The following TMEM117 variants were observed in gnomAD, a reference collection of about 807,000 sequenced individuals.
TMEM117 encodes transmembrane protein 117.
A neutral mutation model predicts 52.4 loss-of-function variants in TMEM117; 27 were observed. The ratio of observed to expected loss-of-function variants is 0.51; its 90% CI spans 0.38 to 0.71. TMEM117 has a LOEUF of 0.71. Among genes scored for constraint, TMEM117 ranks in the 30% least tolerant of loss-of-function variants. The pLI, the probability that TMEM117 is intolerant of heterozygous loss-of-function variation, is 0.00. For synonymous variants in TMEM117, 215 were observed against 206.3 expected (o/e 1.04, Z -0.36); for missense variants, 556 against 630.5 (o/e 0.88, Z 1.26).
At chr12:43,980,862 A>G (rs1295411133) in intron 3 of TMEM117, among the ~76,000 whole-genome samples, 1 of 152,194 alleles carries the variant, frequency 6.6e-6, no homozygotes, top group Non-Finnish European at 1.5e-5. Flanking sequence ...TACAGATTTA[A>G]TGACAAAGGC....
intron 2 of TMEM117, among the ~76,000 whole-genome samples, chr12:43,893,725 A>G (rs528016478): frequency 6.6e-6 from 1 of 152,228 alleles, no homozygotes; most frequent in Non-Finnish European, 1.5e-5. Flanking sequence ...CTGTTATCCC[A>G]TATATTTCAC....
rs375345774 is a variant in TMEM117 at position 43,885,473 on chromosome 12, T to TA, written c.277+40552dup. 6.5e-3 allele frequency among the ~76,000 whole-genome samples: 971 copies of TA among 150,054 alleles called. 8 individuals are homozygous for TA. Among genetic ancestry groups the TA allele is most frequent in the Non-Finnish European group, 0.011 (727 of 67,420 alleles). ...TATTTTCATGAGAAAGAACTTTTTT[T>TA]AAAAAAACAAATGTGAATTCATTGT... On this transcript the variant is annotated intron_variant, in intron 2 of 7. Coordinates refer to ENST00000266534, the MANE Select transcript of TMEM117 (RefSeq NM_032256.3).
intron 5 of TMEM117, among the ~76,000 whole-genome samples, chr12:44,215,246 T>C (rs1232914438): frequency 6.6e-6 from 1 of 152,224 alleles, no homozygotes; most frequent in African/African-American, 2.4e-5. Flanking sequence ...CTGCTTTAAC[T>C]CACAAACACC....
intron 5 of TMEM117, among the ~76,000 whole-genome samples, chr12:44,222,197 C>T (rs951407004): frequency 6.6e-6 from 1 of 152,106 alleles, no homozygotes; most frequent in Non-Finnish European, 1.5e-5. Flanking sequence ...ACTCACCTAC[C>T]CCTCCCTTCA....
rs577596948 is a variant in TMEM117, at chr12:44,214,201, C to T, written c.608+2814C>T. 4.9e-4 allele frequency among the ~76,000 whole-genome samples: 67 copies of T among 136,826 alleles called. 1 individual carries two copies. The South Asian group carries it at 0.014, about 28-fold the overall frequency. The allele number at this position is 136,826 out of a possible 152,430, so 89.8% of individuals were successfully genotyped here. A position where few individuals can be genotyped will look rare whatever the true frequency, so the allele number is the denominator to read the frequency against. ...TCACTCTGTAGCCCAGGCTGGAGTG[C>T]GTGGCACAGTCTCGGCTCACTGCAG... On this transcript the variant is annotated intron_variant, in intron 5 of 7. Coordinates refer to ENST00000266534, the MANE Select transcript of TMEM117 (RefSeq NM_032256.3).
intron 5 of TMEM117, among the ~76,000 whole-genome samples, chr12:44,278,149 A>G (rs974152998): frequency 2.0e-5 from 3 of 152,192 alleles, no homozygotes; most frequent in Non-Finnish European, 4.4e-5. Context: ...TTATCTGATT[A>G]GAAATCTTAA....
upstream of TMEM117, among the ~76,000 whole-genome samples, chr12:43,834,783 T>TA (rs200691028): frequency 0.011 from 1,602 of 152,278 alleles, 30 homozygotes; most frequent in African/African-American, 0.037. Context: ...GAGAGGCATA[T>TA]TTATATATAT....
chr12:43,907,233 C>A (rs920758418), intron 2 of TMEM117, among the ~76,000 whole-genome samples: 1 of 152,114 alleles, frequency 6.6e-6, no homozygotes, highest in Admixed American at 6.5e-5. Flanking sequence ...CCGGCAGGAG[C>A]AGACTGACAC....
chr12:44,064,037 G>T (rs1465974048), intron 3 of TMEM117, among the ~76,000 whole-genome samples: 1 of 151,972 alleles, frequency 6.6e-6, no homozygotes, highest in Non-Finnish European at 1.5e-5. Flanking sequence ...TGGGCCTCCT[G>T]GGGGGTCTCC....
At chr12:43,959,859 C>G (rs1796812742) in intron 3 of TMEM117, among the ~76,000 whole-genome samples, 1 of 151,894 alleles carries the variant, frequency 6.6e-6, no homozygotes, top group Non-Finnish European at 1.5e-5. Flanking sequence ...ACAAAGCTAC[C>G]AACTGTAGCA....
intron 3 of TMEM117, among the ~76,000 whole-genome samples, chr12:44,045,685 A>G (rs1338077968): frequency 2.6e-5 from 4 of 152,176 alleles, no homozygotes; most frequent in Non-Finnish European, 5.9e-5. Context: ...TCTACTAAAA[A>G]TAGAAAAATT....
At chr12:44,226,077 TCTAA>T (rs1321717234) in intron 5 of TMEM117, among the ~76,000 whole-genome samples, 3 of 152,212 alleles carry the variant, frequency 2.0e-5, no homozygotes, top group Non-Finnish European at 2.9e-5. Context: ...TACATGGCGC[TCTAA>T]CTGTTTAATA....
At chr12:44,173,659 C>A (rs1325676316) in intron 4 of TMEM117, among the ~76,000 whole-genome samples, 1 of 151,818 alleles carries the variant, frequency 6.6e-6, no homozygotes, top group Non-Finnish European at 1.5e-5. Flanking sequence ...ATTAATGTTT[C>A]TCTATCAGAT....
rs116466504 is a variant in TMEM117, at chr12:44,322,223, A to T, written c.768+22484A>T. On this transcript the variant is annotated intron_variant, in intron 6 of 7. Transcript: ENST00000266534. ...TACTTCGTAGCATGGCTCGGGTATTAGTTCTCTCTGCATCTGCGTGGTGAG... is the reference window on the plus strand; with the variant it reads ...TACTTCGTAGCATGGCTCGGGTATTTGTTCTCTCTGCATCTGCGTGGTGAG... 6.0e-3 allele frequency among the ~76,000 whole-genome samples: 919 copies of T among 152,300 alleles called. 12 individuals carry two copies. The highest frequency in any genetic ancestry group is 0.02 in the African/African-American group (833 of 41,578).
chr12:44,387,798 A>G (rs1158949790), intron 7 of TMEM117, among the ~76,000 whole-genome samples: 1 of 152,114 alleles, frequency 6.6e-6, no homozygotes, highest in Non-Finnish European at 1.5e-5. Flanking sequence ...GCCATAAATT[A>G]CTGGCTCAGG....
the TMEM117 span, chr12:43,800,395 T>C: frequency 2.7e-6 from 4 of 1,500,646 alleles, no homozygotes; most frequent in Non-Finnish European, 3.7e-6. Flanking sequence ...CTTTAATCAT[T>C]TTAATTGCAA....
intron 3 of TMEM117, among the ~76,000 whole-genome samples, chr12:43,968,275 A>T (rs1348221789): frequency 6.6e-6 from 1 of 152,234 alleles, no homozygotes; most frequent in Non-Finnish European, 1.5e-5. Context: ...AGAACAATGA[A>T]TTTTAGCCGG....
intron 5 of TMEM117, 35 bp from the exon 6 acceptor site, chr12:44,299,545 C>T (rs1950812088): frequency 1.9e-6 from 3 of 1,610,470 alleles, no homozygotes; most frequent in African/African-American, 1.3e-5. Flanking sequence ...TATTTTATGC[C>T]TTATGTTCTT....
chr12:44,130,913 T>C (rs1948403982), intron 3 of TMEM117, among the ~76,000 whole-genome samples: 1 of 152,160 alleles, frequency 6.6e-6, no homozygotes. Context: ...GTGCTTTTTC[T>C]GTATATTTTT....
Sources: allele counts gnomAD v4.1 joint callset (sites outside exome capture counted in the v4.1 genomes callset), GRCh38; gene constraint gnomAD v4.1.1; transcripts MANE v1.5; gene names NCBI Gene and HGNC (gene_info 2026-07-23, HGNC 2026-07-21).